The following CAMK2A variants were observed in gnomAD, a reference collection of about 807,000 sequenced individuals.
The protein encoded by CAMK2A is calcium/calmodulin dependent protein kinase II alpha.
In CAMK2A, 7 loss-of-function variants were observed where a neutral mutation model predicts 79.2. That is an observed-to-expected ratio of 0.09 (90% confidence interval 0.05 to 0.17). The LOEUF is 0.17. Among genes scored for constraint, CAMK2A ranks in the 10% least tolerant of loss-of-function variants. The pLI is 1.00. For missense variants in CAMK2A, 214 were observed against 646.4 expected, an observed-to-expected ratio of 0.33 and a Z score of 7.25; for synonymous variants, 242 against 251.7, an observed-to-expected ratio of 0.96 and a Z score of 0.36.
At chr5:150,245,126 G>C (rs1445262161) in intron 13 of CAMK2A, 35 bp downstream of exon 13, 1 of 1,610,022 alleles carries the variant, frequency 6.2e-7, no homozygotes. Context: ...AACGCTGCCA[G>C]AGCCAAGCCC....
Position 150,284,520 on chromosome 5 carries a change from C to T in CAMK2A, c.62+5044G>A, listed in dbSNP as rs1757344714. Among the ~76,000 whole-genome samples the T allele has an allele frequency of 6.6e-6, 1 of 151,966 alleles. No homozygotes were observed. The highest frequency in any genetic ancestry group is 1.5e-5 in the Non-Finnish European group (1 of 67,984). ...AGGAAGGGAGGGAGGGAGGGAGGCT[C>T]AGCAGAGTGTCAGTGTGTCTCAGCC... On this transcript the variant is annotated intron_variant, in intron 1 of 18. Transcript: ENST00000671881. This position sits in a 1 kb window ranked among gnomAD's most constrained non-coding sequence, Gnocchi z 5.3.
chr5:150,255,964 C>A (rs1218037074), intron 6 of CAMK2A, among the ~76,000 whole-genome samples: 2 of 152,186 alleles, frequency 1.3e-5, no homozygotes, highest in Non-Finnish European at 2.9e-5. Context: ...TCCATGAAGT[C>A]CCTGCTGAAG....
At chr5:150,276,968 G>T (rs957244209) in intron 1 of CAMK2A, among the ~76,000 whole-genome samples, 4 of 152,116 alleles carry the variant, frequency 2.6e-5, no homozygotes, top group African/African-American at 9.7e-5. Flanking sequence ...GATGGCTCAC[G>T]CCCGCAATCC....
intron 17 of CAMK2A, among the ~76,000 whole-genome samples, chr5:150,226,681 G>A (rs1754610097): frequency 8.2e-6 from 1 of 121,932 alleles, no homozygotes; most frequent in African/African-American, 3.0e-5. Flanking sequence ...AGGTTGCAGT[G>A]AGCCAAGATC....
At chr5:150,258,042 G>A (rs3776823) in intron 3 of CAMK2A, among the ~76,000 whole-genome samples, 42,649 of 152,086 alleles carry the variant, frequency 0.28, 6,116 homozygotes, top group South Asian at 0.43. Context: ...GGACTTGCAG[G>A]CTTGTTATGA....
At chr5:150,271,863 A>G (rs763262422) in intron 2 of CAMK2A, among the ~76,000 whole-genome samples, 34 of 152,352 alleles carry the variant, frequency 2.2e-4, no homozygotes, top group Non-Finnish European at 4.4e-4. Flanking sequence ...GTTAAAATGC[A>G]GATTCAGATT....
chr5:150,250,125 T>C lies in CAMK2A; in HGVS notation c.900+101A>G. On this transcript the variant is annotated intron_variant, in intron 11 of 18. Coordinates refer to ENST00000671881, the MANE Select transcript of CAMK2A (RefSeq NM_015981.4). ...AGGTGTTCAATAAATGCTTATTGAA[T>C]CAATGAAGGAAAGAATTAGTGAGCG... 4 of 865,898 alleles carry C rather than the reference T, an allele frequency of 4.6e-6. No homozygotes were observed. The South Asian group carries it at 5.9e-5, about 13-fold the overall frequency. 53.6% of individuals were successfully genotyped at this position (865,898 alleles called of 1,614,324 possible). A position where few individuals can be genotyped will look rare whatever the true frequency, so the allele number is the denominator to read the frequency against.
At chr5:150,265,243 T>G in intron 2 of CAMK2A, 3 of 528,174 alleles carry the variant, frequency 5.7e-6, no homozygotes, top group African/African-American at 1.9e-5. Context: ...TCGCCCTCTC[T>G]GGCCTCCGTT....
chr5:150,241,022 C>T (rs1755312386), intron 13 of CAMK2A, among the ~76,000 whole-genome samples: 2 of 152,206 alleles, frequency 1.3e-5, no homozygotes, highest in East Asian at 3.9e-4. Context: ...TGGGCCAGGC[C>T]CCCAGGTTAT....
intron 2 of CAMK2A, 95 bp from the exon 3 acceptor site, chr5:150,265,110 A>AG: frequency 2.1e-6 from 2 of 944,542 alleles, no homozygotes; most frequent in Admixed American, 1.9e-5. Context: ...TCCACCTCCC[A>AG]GGGCAGCCCC....
chr5:150,260,764 A>C (rs1474509477), intron 3 of CAMK2A, among the ~76,000 whole-genome samples: 1 of 152,234 alleles, frequency 6.6e-6, no homozygotes, highest in South Asian at 2.1e-4. Context: ...AAGATACTTT[A>C]AAAAGTATTT....
chr5:150,243,051 G>T (rs1249081346), intron 13 of CAMK2A, among the ~76,000 whole-genome samples: 1 of 152,210 alleles, frequency 6.6e-6, no homozygotes, highest in Non-Finnish European at 1.5e-5. Context: ...GCCTGCAGTG[G>T]CCAGCAGAGC....
rs142895937 is a variant in CAMK2A, at chr5:150,288,706, A to C, written c.62+858T>G. ...CCAAAATGCACCCAACCCTTGACCC[A>C]TCCCAGGATCCTCCAGAAACCCAGC... On this transcript the variant is annotated intron_variant, in intron 1 of 18. Transcript: ENST00000671881. 6.1e-3 allele frequency among the ~76,000 whole-genome samples: 935 copies of C among 152,208 alleles called. 8 individuals carry two copies. Among genetic ancestry groups the C allele is most frequent in the Middle Eastern group, 0.014 (4 of 294 alleles).
At chr5:150,255,999 A>C (rs1003134860) in intron 6 of CAMK2A, among the ~76,000 whole-genome samples, 4 of 152,228 alleles carry the variant, frequency 2.6e-5, no homozygotes, top group Non-Finnish European at 5.9e-5. Context: ...AGCTGGTGCC[A>C]GTCCTAGACT....
At chr5:150,246,057 T>C (rs950318359) in intron 12 of CAMK2A, among the ~76,000 whole-genome samples, 5 of 152,362 alleles carry the variant, frequency 3.3e-5, no homozygotes, top group Non-Finnish European at 5.9e-5. Context: ...AAGCCGCACA[T>C]GCTCAGGAAA....
chr5:150,248,264 C>T (rs1278499651), intron 11 of CAMK2A, among the ~76,000 whole-genome samples: 1 of 151,688 alleles, frequency 6.6e-6, no homozygotes, highest in Non-Finnish European at 1.5e-5. Flanking sequence ...CCTCCATGGC[C>T]CCTGGGCTCA....
rs1436528510 is a variant in CAMK2A at position 150,221,117 on chromosome 5, C to T, written c.*1593G>A. On this transcript the variant is annotated 3_prime_UTR_variant, in exon 19 of 19. Transcript: ENST00000671881. ...CCGAGTCGGACACTGAGAATACAAC[C>T]TCTATTTTTTTTTTTAGTCCAAAAC... The T allele has an allele frequency of 8.9e-6, 2 of 223,836 alleles. No individual in the cohort carries two copies. The highest frequency in any genetic ancestry group is 4.5e-5 in the African/African-American group (2 of 44,068). 13.9% of individuals were successfully genotyped at this position (223,836 alleles called of 1,614,324 possible). A position where few individuals can be genotyped will look rare whatever the true frequency, so the allele number is the denominator to read the frequency against.
At chr5:150,252,889 A>G in intron 7 of CAMK2A, among the ~76,000 whole-genome samples, 1 of 152,300 alleles carries the variant, frequency 6.6e-6, no homozygotes, top group African/African-American at 2.4e-5. Context: ...CGGGATTTGA[A>G]CCCAGAACTC....
intron 1 of CAMK2A, among the ~76,000 whole-genome samples, chr5:150,279,229 C>G (rs1222320643): frequency 6.6e-6 from 1 of 152,128 alleles, no homozygotes; most frequent in Admixed American, 6.5e-5. Flanking sequence ...GAACTGAGCA[C>G]CAAATTTCTT....
Sources: gnomAD v4.1 joint callset for allele counts (sites outside exome capture counted in the v4.1 genomes callset) on GRCh38, gnomAD v4.1.1 for gene constraint, Gnocchi (gnomAD v3.1) non-coding constraint, MANE v1.5 for transcripts, NCBI Gene and HGNC (gene_info 2026-07-23, HGNC 2026-07-21) for gene names.